The following PTPRD variants were observed in gnomAD, a reference collection of about 807,000 sequenced individuals.
PTPRD encodes protein tyrosine phosphatase receptor type D.
PTPRD carries 34 observed loss-of-function variants against 214.5 expected under a neutral mutation model. That is an observed-to-expected ratio of 0.16 (90% CI 0.12 to 0.21). The LOEUF (loss-of-function observed/expected upper bound fraction) is 0.21, where lower values mean the gene tolerates loss of function less well. Ranked by LOEUF, PTPRD falls within the 10% of genes least tolerant of loss-of-function variation. The pLI, the probability that PTPRD is intolerant of heterozygous loss-of-function variation, is 1.00. For synonymous variants in PTPRD, 1,128 were observed against 845.7 expected (o/e 1.33, Z -5.79); for missense variants, 2,545 against 2,398.7 (o/e 1.06, Z -1.27).
At chr9:9,708,757 C>T (rs1295433492) in intron 7 of PTPRD, among the ~76,000 whole-genome samples, 1 of 152,008 alleles carries the variant, frequency 6.6e-6, no homozygotes, top group African/African-American at 2.4e-5. Flanking sequence ...TTGGTAGAAA[C>T]TTGCATAATA....
intron 9 of PTPRD, among the ~76,000 whole-genome samples, chr9:9,187,653 T>C (rs2099932469): frequency 2.0e-5 from 3 of 152,024 alleles, no homozygotes; most frequent in Non-Finnish European, 4.4e-5. Flanking sequence ...ATAGGTTTCT[T>C]GTGAAATAGA....
intron 2 of PTPRD, among the ~76,000 whole-genome samples, chr9:10,358,136 A>G (rs7870876): frequency 0.64 from 96,904 of 151,890 alleles, 33,506 homozygotes; most frequent in African/African-American, 0.91. Context: ...GTATCATATT[A>G]TCATATTTAT....
At chr9:10,306,665 G>A (rs2096079348) in intron 3 of PTPRD, among the ~76,000 whole-genome samples, 1 of 152,012 alleles carries the variant, frequency 6.6e-6, no homozygotes, top group Non-Finnish European at 1.5e-5. Context: ...TTTTCCATAA[G>A]TATATGTGTT....
chr9:10,235,551 AG>A lies in PTPRD; in HGVS notation c.-545+105411del, dbSNP rs1352845330. On this transcript the variant is annotated intron_variant, in intron 3 of 45. Transcript: ENST00000381196. ...AGAAGACACTTGGTGATATCACTTA[AG>A]CCTATTTCTGGACTCCTGCAGGAAA... 2.0e-5 allele frequency among the ~76,000 whole-genome samples: 3 copies of A among 151,958 alleles called. 1 individual carries two copies. Among genetic ancestry groups the A allele is most frequent in the Admixed American group, 2.0e-4 (3 of 15,198 alleles).
chr9:10,232,226 T>G (rs545357300), intron 3 of PTPRD, among the ~76,000 whole-genome samples: 92 of 151,964 alleles, frequency 6.1e-4, no homozygotes, highest in African/African-American at 2.0e-3. Context: ...CTTTTTTCCT[T>G]TATAAGTTTC....
intron 3 of PTPRD, among the ~76,000 whole-genome samples, chr9:10,332,229 G>C (rs1456018504): frequency 6.6e-6 from 1 of 151,796 alleles, no homozygotes; most frequent in Non-Finnish European, 1.5e-5. Flanking sequence ...TATTGCAGAA[G>C]TTAATATACC....
intron 9 of PTPRD, among the ~76,000 whole-genome samples, chr9:9,317,258 A>C (rs981172118): frequency 3.9e-5 from 6 of 152,194 alleles, no homozygotes; most frequent in African/African-American, 1.4e-4. Flanking sequence ...TCAACCTATT[A>C]CTATTTACTA....
chr9:9,068,471 A>G (rs976646681), intron 10 of PTPRD, among the ~76,000 whole-genome samples: 8 of 152,078 alleles, frequency 5.3e-5, no homozygotes, highest in Non-Finnish European at 1.2e-4. Flanking sequence ...TGCATATGCA[A>G]TCTTTGGATT....
Position 10,327,171 on chromosome 9 carries a change from G to GTGTA in PTPRD, c.-545+13791_-545+13792insTACA, listed in dbSNP as rs71485326. Among the ~76,000 whole-genome samples the GTGTA allele has an allele frequency of 4.7e-3, 678 of 142,880 alleles. 2 individuals carry two copies. Among genetic ancestry groups the GTGTA allele is most frequent in the African/African-American group, 0.012 (476 of 39,904 alleles). 93.7% of individuals were successfully genotyped at this position (142,880 alleles called of 152,430 possible). A position where few individuals can be genotyped will look rare whatever the true frequency, so the allele number is the denominator to read the frequency against. ...TGCATTTGTGCACATATATGTGTGT[G>GTGTA]TATATATATATATATATATATATAT... On this transcript the variant is annotated intron_variant, in intron 3 of 45. Transcript: ENST00000381196.
intron 10 of PTPRD, among the ~76,000 whole-genome samples, chr9:9,054,545 C>G (rs920330788): frequency 6.6e-6 from 1 of 152,114 alleles, no homozygotes; most frequent in African/African-American, 2.4e-5. Flanking sequence ...TGGAAACAGT[C>G]TGTGCTATGG....
chr9:10,340,304 A>T (rs2096914795), intron 3 of PTPRD, among the ~76,000 whole-genome samples: 1 of 151,892 alleles, frequency 6.6e-6, no homozygotes, highest in African/African-American at 2.4e-5. Flanking sequence ...CTGGGAGTCA[A>T]TAGCAAAAGC....
At chr9:9,762,884 G>T (rs1001638168) in intron 6 of PTPRD, among the ~76,000 whole-genome samples, 2 of 152,200 alleles carry the variant, frequency 1.3e-5, no homozygotes, top group African/African-American at 4.8e-5. Flanking sequence ...TTAAACAAAT[G>T]AAATTTCTTT....
In PTPRD at chr9:9,248,075, G is replaced by A. The variant is rs145348881; in HGVS notation, c.-202-64712C>T. On this transcript the variant is annotated intron_variant, in intron 9 of 45. Transcript: ENST00000381196. ...ATTGAGTAAACGGAGGAAGCAATGAGCTCCTAAGTTATCTATTATTATTTT... is the reference window on the plus strand; with the variant it reads ...ATTGAGTAAACGGAGGAAGCAATGAACTCCTAAGTTATCTATTATTATTTT... 8.6e-5 allele frequency among the ~76,000 whole-genome samples: 13 copies of A among 151,932 alleles called. No homozygotes were observed. The East Asian group carries it at 2.3e-3, about 27-fold the overall frequency.
intron 35 of PTPRD, among the ~76,000 whole-genome samples, chr9:8,424,098 C>T (rs1184224848): frequency 6.6e-6 from 1 of 152,108 alleles, no homozygotes; most frequent in Admixed American, 6.5e-5. Flanking sequence ...TCATTTAAAA[C>T]TAAGTCGTTT....
chr9:9,052,682 T>G (rs575527774), intron 10 of PTPRD, among the ~76,000 whole-genome samples: 5 of 152,176 alleles, frequency 3.3e-5, no homozygotes, highest in Non-Finnish European at 7.4e-5. Flanking sequence ...CAAAGGCAAT[T>G]GTTGATGTTC....
chr9:9,512,925 C>G (rs1034495997), intron 8 of PTPRD, among the ~76,000 whole-genome samples: 1 of 150,058 alleles, frequency 6.7e-6, no homozygotes, highest in Non-Finnish European at 1.5e-5. Context: ...AGAAATATAA[C>G]AGATTTTCAT....
chr9:8,492,822 T>G (rs1173034240), intron 27 of PTPRD, 40 bp downstream of exon 27: 4 of 1,453,970 alleles, frequency 2.8e-6, no homozygotes, highest in South Asian at 1.2e-5. Context: ...AAAAAGTTAG[T>G]ATTACTGTTC....
intron 11 of PTPRD, among the ~76,000 whole-genome samples, chr9:8,772,120 C>T (rs78169736): frequency 6.6e-6 from 1 of 151,274 alleles, no homozygotes; most frequent in Admixed American, 6.6e-5. Flanking sequence ...TAAAAAAAAA[C>T]TATTCCTTCC....
intron 5 of PTPRD, among the ~76,000 whole-genome samples, chr9:9,784,946 G>T (rs78402801): frequency 0.016 from 2,426 of 148,858 alleles, 64 homozygotes; most frequent in African/African-American, 0.055. Flanking sequence ...GGTTTGAGCA[G>T]GGTTTGCTAT....
Sources: allele counts gnomAD v4.1 joint callset (sites outside exome capture counted in the v4.1 genomes callset), GRCh38; gene constraint gnomAD v4.1.1; transcripts MANE v1.5; gene names NCBI Gene and HGNC (gene_info 2026-07-23, HGNC 2026-07-21).